EPB41L2: variants seen among roughly 807,000 people sequenced by gnomAD.
The protein encoded by EPB41L2 is erythrocyte membrane protein band 4.1 like 2.
A neutral mutation model predicts 113.0 loss-of-function variants in EPB41L2; 43 were observed. The observed-to-expected ratio is 0.38, with a 90% CI of 0.30 to 0.49. The LOEUF is 0.49. Among genes scored for constraint, EPB41L2 ranks in the 20% least tolerant of loss-of-function variants. EPB41L2 has a pLI of 0.95. For missense variants in EPB41L2, 1,147 were observed against 1,223.4 expected (o/e 0.94, Z 0.93); for synonymous variants, 442 against 436.7 (o/e 1.01, Z -0.15).
chr6:130,849,369 C>T (rs1778080742), intron 19 of EPB41L2, among the ~76,000 whole-genome samples: 2 of 152,284 alleles, frequency 1.3e-5, no homozygotes, highest in Admixed American at 1.3e-4. Flanking sequence ...TGTCTCTAAG[C>T]GGTCAGTTCT....
intron 1 of EPB41L2, among the ~76,000 whole-genome samples, chr6:131,062,074 T>G (rs1251248860): frequency 6.6e-6 from 1 of 151,984 alleles, no homozygotes; most frequent in Non-Finnish European, 1.5e-5. Flanking sequence ...GCTGTGGTGT[T>G]GATGGGGCAA....
chr6:131,049,246 T>C (rs1796084379), intron 1 of EPB41L2, among the ~76,000 whole-genome samples: 1 of 152,214 alleles, frequency 6.6e-6, no homozygotes, highest in Non-Finnish European at 1.5e-5. Flanking sequence ...ACAGACAATC[T>C]TGGCATTAAG....
At chr6:131,034,523 C>T (rs1033284157) in intron 1 of EPB41L2, among the ~76,000 whole-genome samples, 1 of 152,066 alleles carries the variant, frequency 6.6e-6, no homozygotes, top group Non-Finnish European at 1.5e-5. Flanking sequence ...CAAATTGAGA[C>T]CCTGTGTCAA....
chr6:131,015,755 A>G (rs1389400683), intron 1 of EPB41L2: 4 of 152,244 alleles, frequency 2.6e-5, no homozygotes, highest in Non-Finnish European at 4.4e-5. Context: ...CAGTTACTAT[A>G]TTAAAAAGCA....
At chr6:130,944,985 C>T (rs1332660864) in intron 3 of EPB41L2, among the ~76,000 whole-genome samples, 1 of 152,146 alleles carries the variant, frequency 6.6e-6, no homozygotes, top group Non-Finnish European at 1.5e-5. Flanking sequence ...AATAGAATTA[C>T]CACCCTAAAT....
chr6:130,904,909 C>T (rs920422093), intron 5 of EPB41L2, among the ~76,000 whole-genome samples: 2 of 119,778 alleles, frequency 1.7e-5, no homozygotes, highest in African/African-American at 3.1e-5. Flanking sequence ...GCCAAATATT[C>T]TCCACCCTTT....
intron 19 of EPB41L2, 145 bp from the exon 20 acceptor site, chr6:130,840,743 T>G (rs1775208597): frequency 6.6e-6 from 1 of 152,148 alleles, no homozygotes; most frequent in South Asian, 2.1e-4. Context: ...AATAGTATGT[T>G]TACCAGAAGA....
intron 1 of EPB41L2, chr6:131,062,642 C>G (rs1297584226): frequency 6.6e-6 from 1 of 151,804 alleles, no homozygotes; most frequent in African/African-American, 2.4e-5. Flanking sequence ...CCCGCGCTTC[C>G]CCTCCTAAAA....
intron 4 of EPB41L2, among the ~76,000 whole-genome samples, chr6:130,914,767 T>A (rs1214956828): frequency 6.6e-6 from 1 of 152,082 alleles, no homozygotes; most frequent in Non-Finnish European, 1.5e-5. Flanking sequence ...TTAAAAAAAA[T>A]AAAACAAGGA....
At chr6:130,923,187 G>A (rs538981245) in intron 4 of EPB41L2, among the ~76,000 whole-genome samples, 1 of 151,970 alleles carries the variant, frequency 6.6e-6, no homozygotes, top group South Asian at 2.1e-4. Flanking sequence ...TCAATCATTC[G>A]CTTTTCTACT....
chr6:130,950,970 T>C (rs565936117), intron 3 of EPB41L2, among the ~76,000 whole-genome samples: 11 of 152,248 alleles, frequency 7.2e-5, no homozygotes, highest in African/African-American at 2.4e-4. Flanking sequence ...AGAAAGTCCT[T>C]AATCTGAGAA....
At chr6:131,023,755 A>C (rs200985334) in intron 1 of EPB41L2, among the ~76,000 whole-genome samples, 9 of 73,904 alleles carry the variant, frequency 1.2e-4, no homozygotes, top group Non-Finnish European at 2.1e-4. Context: ...ATCTATATAT[A>C]GATATATAGA....
chr6:130,989,471 A>T (rs375374731), intron 1 of EPB41L2, among the ~76,000 whole-genome samples: 1 of 77,974 alleles, frequency 1.3e-5, no homozygotes, highest in Non-Finnish European at 2.6e-5. Context: ...GGCTGAGTAG[A>T]AAAAAAAAAT....
At chr6:130,848,264 C>T (rs541950714) in intron 19 of EPB41L2, among the ~76,000 whole-genome samples, 1 of 149,550 alleles carries the variant, frequency 6.7e-6, no homozygotes, top group Admixed American at 6.7e-5. Context: ...TGCATCGTGC[C>T]ATATTAGTTT....
chr6:130,872,499 T>G (rs1213050330), intron 14 of EPB41L2: 1 of 1,289,366 alleles, frequency 7.8e-7, no homozygotes, highest in Admixed American at 2.3e-5. Flanking sequence ...GAAAAGCCCT[T>G]TTCACTAAAC....
chr6:130,974,040 C>G (rs1777536691), intron 1 of EPB41L2, among the ~76,000 whole-genome samples: 1 of 152,140 alleles, frequency 6.6e-6, no homozygotes, highest in Non-Finnish European at 1.5e-5. Context: ...GCTCTCTTCT[C>G]TTACTCTCTT....
At chr6:130,908,186 T>A (rs928485187) in intron 5 of EPB41L2, among the ~76,000 whole-genome samples, 3 of 152,210 alleles carry the variant, frequency 2.0e-5, no homozygotes, top group African/African-American at 7.2e-5. Context: ...CTGAAGCTGG[T>A]TAGAGTGGGA....
rs1490487324 is a variant in EPB41L2, at chr6:130,956,087, A to G, written c.399T>C (p.Ala133=). 3 of 1,613,816 alleles carry G rather than the reference A, an allele frequency of 1.9e-6. No homozygotes were observed. In the South Asian group the frequency reaches 3.3e-5, roughly 18 times the overall value. ...RQAKGDAEEM[A]QKKQEIKVEV... ...CAACTTTAATCTCTTGTTTCTTCTG[A>G]GCCATTTCTTCAGCATCACCCTTAG... The change falls in exon 2 of 20, where the codon GCT becomes GCC. Residue 133 remains alanine, a synonymous_variant. Coordinates refer to ENST00000337057, the MANE Select transcript of EPB41L2 (RefSeq NM_001431.4).
chr6:130,901,300 T>A, intron 6 of EPB41L2, 120 bp from the exon 7 acceptor site: 1 of 764,886 alleles, frequency 1.3e-6, no homozygotes, highest in Admixed American at 2.8e-5. Flanking sequence ...GCACTCTTCA[T>A]ATAAACAGCA....
Sources: gnomAD v4.1 joint callset for allele counts (sites outside exome capture counted in the v4.1 genomes callset) on GRCh38, gnomAD v4.1.1 for gene constraint, MANE v1.5 for transcripts, NCBI Gene and HGNC (gene_info 2026-07-23, HGNC 2026-07-21) for gene names.